The following WDR72 variants were observed in gnomAD, a reference collection of about 807,000 sequenced individuals.
The protein encoded by WDR72 is WD repeat domain 72.
A neutral mutation model predicts 124.2 loss-of-function variants in WDR72; 120 were observed. The observed-to-expected ratio is 0.97, with a 90% CI of 0.83 to 1.12. The LOEUF (loss-of-function observed/expected upper bound fraction) is 1.12. Among genes scored for constraint, WDR72 ranks in the 50% most tolerant of loss-of-function variants. The probability of loss-of-function intolerance (pLI) is 0.00; values close to 1 mark genes in which losing one functional copy is unlikely to be tolerated. For synonymous variants in WDR72, 452 were observed against 441.7 expected (o/e 1.02, Z -0.29); for missense variants, 1,387 against 1,278.8 (o/e 1.08, Z -1.29).
chr15:53,649,877 C>G (rs985398918), intron 14 of WDR72, among the ~76,000 whole-genome samples: 35 of 152,224 alleles, frequency 2.3e-4, no homozygotes, highest in African/African-American at 7.9e-4. Context: ...CTATGAAAAA[C>G]AGCATGGAGG....
intron 10 of WDR72, 150 bp downstream of exon 10, chr15:53,705,777 A>T: frequency 1.1e-6 from 1 of 923,598 alleles, no homozygotes; most frequent in Non-Finnish European, 1.7e-6. Flanking sequence ...CTTTGTGTTT[A>T]TACCTGCTTT....
chr15:53,678,280 G>A (rs2016249647), intron 13 of WDR72, among the ~76,000 whole-genome samples: 1 of 151,970 alleles, frequency 6.6e-6, no homozygotes, highest in Non-Finnish European at 1.5e-5. Context: ...TTTACTGAAG[G>A]CTTACGAAAT....
At chr15:53,579,443 A>T (rs1446239452) in intron 18 of WDR72, among the ~76,000 whole-genome samples, 1 of 152,112 alleles carries the variant, frequency 6.6e-6, no homozygotes, top group Non-Finnish European at 1.5e-5. Flanking sequence ...CAGGAATGCA[A>T]ACTGCTTTCC....
chr15:53,606,284 G>A (rs527893177), intron 17 of WDR72, among the ~76,000 whole-genome samples: 1 of 152,120 alleles, frequency 6.6e-6, no homozygotes, highest in South Asian at 2.1e-4. Flanking sequence ...GAATTTTTTG[G>A]CCACTGGGGA....
In WDR72 at chr15:53,713,177, T is replaced by C. The variant is rs531702429; in HGVS notation, c.592-286A>G. 4.6e-5 allele frequency among the ~76,000 whole-genome samples: 6 copies of C among 130,206 alleles called. No homozygotes were observed. In the East Asian group the frequency reaches 1.3e-3, roughly 28 times the overall value. The allele number at this position is 130,206 out of a possible 152,430, so 85.4% of individuals were successfully genotyped here. On this transcript the variant is annotated intron_variant, in intron 6 of 19. Coordinates refer to ENST00000360509, the MANE Select transcript of WDR72 (RefSeq NM_182758.4). ...TTAAAAAAAAAAAAATTAAAAAATA[T>C]AGGATGTATTTCTTGAAAAAAAAAA...
intron 13 of WDR72, among the ~76,000 whole-genome samples, chr15:53,672,998 G>A (rs1595837635): frequency 6.6e-6 from 1 of 152,096 alleles, no homozygotes; most frequent in South Asian, 2.1e-4. Context: ...GTGTACGCCT[G>A]TAGTCCCTGC....
chr15:53,607,067 T>C (rs1270970186), intron 17 of WDR72, among the ~76,000 whole-genome samples: 2 of 152,222 alleles, frequency 1.3e-5, no homozygotes, highest in South Asian at 2.1e-4. Context: ...ATGTATCAAG[T>C]TCATAAAAAA....
At chr15:53,699,697 T>C in intron 13 of WDR72, 53 bp downstream of exon 13, 1 of 1,586,946 alleles carries the variant, frequency 6.3e-7, no homozygotes, top group Non-Finnish European at 8.6e-7. Context: ...TCTGGTCAAA[T>C]GCTTGTACAT....
chr15:53,709,309 T>C (rs1485070991), intron 9 of WDR72, among the ~76,000 whole-genome samples: 1 of 152,240 alleles, frequency 6.6e-6, no homozygotes, highest in African/African-American at 2.4e-5. Context: ...CATATTTCAC[T>C]GGCTTCTAGG....
At chr15:53,553,927 C>T (rs1893831874) in intron 18 of WDR72, among the ~76,000 whole-genome samples, 1 of 152,038 alleles carries the variant, frequency 6.6e-6, no homozygotes, top group African/African-American at 2.4e-5. Context: ...CAATTTTAAT[C>T]CTTAAAATTT....
At chr15:53,549,740 T>G (rs1432962878) in intron 18 of WDR72, among the ~76,000 whole-genome samples, 1 of 152,130 alleles carries the variant, frequency 6.6e-6, no homozygotes, top group African/African-American at 2.4e-5. Flanking sequence ...TATAGTTAAA[T>G]TAACATAAAA....
rs374578496 is a variant in WDR72 at position 53,758,250 on chromosome 15, C to T, written c.-13+1383G>A. Among the ~76,000 whole-genome samples, 5 of 152,274 alleles carry T rather than the reference C, an allele frequency of 3.3e-5. No individual in the cohort carries two copies. The South Asian group carries it at 6.2e-4, about 19-fold the overall frequency. The stretch of plus-strand genomic sequence containing the variant: ...TCCTGAGCTCAAGCGATCCACCTAC[C>T]TTGGCCTCCCAAAGTGTTTGAATTA... On this transcript the variant is annotated intron_variant, in intron 1 of 19. Coordinates refer to ENST00000360509, the MANE Select transcript of WDR72 (RefSeq NM_182758.4).
At chr15:53,575,383 C>T (rs1226171665) in intron 18 of WDR72, among the ~76,000 whole-genome samples, 1 of 152,096 alleles carries the variant, frequency 6.6e-6, no homozygotes, top group Non-Finnish European at 1.5e-5. Context: ...GCTACATGCT[C>T]TGTCACTGAA....
At chr15:53,754,281 T>C (rs1444546193) in intron 1 of WDR72, among the ~76,000 whole-genome samples, 4 of 152,150 alleles carry the variant, frequency 2.6e-5, no homozygotes, top group Non-Finnish European at 5.9e-5. Flanking sequence ...GTAACACTAG[T>C]GTCATGGAAA....
intron 14 of WDR72, among the ~76,000 whole-genome samples, chr15:53,660,096 C>A (rs1317647867): frequency 6.6e-6 from 1 of 151,616 alleles, no homozygotes; most frequent in Non-Finnish European, 1.5e-5. Context: ...TAGTTCTATG[C>A]TGCTTATTTT....
chr15:53,701,165 T>C (rs1458237827), intron 12 of WDR72, among the ~76,000 whole-genome samples: 2 of 152,204 alleles, frequency 1.3e-5, no homozygotes, highest in Non-Finnish European at 1.5e-5. Flanking sequence ...GATTTCATTT[T>C]GCCCATAACA....
chr15:53,704,099 C>T (rs990071592), intron 11 of WDR72, among the ~76,000 whole-genome samples: 2 of 152,134 alleles, frequency 1.3e-5, no homozygotes, highest in Non-Finnish European at 2.9e-5. Flanking sequence ...TAGTAAGTGG[C>T]CAAAGATATA....
At chr15:53,715,461 A>G in intron 4 of WDR72, 94 bp from the exon 5 acceptor site, 5 of 1,452,256 alleles carry the variant, frequency 3.4e-6, no homozygotes, top group Non-Finnish European at 4.8e-6. Flanking sequence ...TAGTTTTAGC[A>G]TATGATCAAT....
Position 53,715,232 on chromosome 15 carries a change from T to C in WDR72, c.475A>G (p.Ile159Val). ...SFRSSQFPDW[I>V]NCMCIVHSMR... ...GAGTGAACAATGCACATGCAGTTGATCCAGTCAGGAAACTGAGATGATCTA... is the reference window on the plus strand; with the variant it reads ...GAGTGAACAATGCACATGCAGTTGACCCAGTCAGGAAACTGAGATGATCTA... Residue 159 changes from isoleucine to valine, a missense_variant, in exon 5 of 20, where the codon ATC becomes GTC. By Grantham distance (29) the Ile-to-Val change is conservative (BLOSUM62 3). Coordinates refer to ENST00000360509, the MANE Select transcript of WDR72 (RefSeq NM_182758.4). The C allele has an allele frequency of 6.2e-7, 1 of 1,614,120 alleles. No individual in the cohort carries two copies. Among genetic ancestry groups the C allele is most frequent in the Non-Finnish European group, 8.5e-7 (1 of 1,180,006 alleles).
Sources: gnomAD v4.1 joint callset for allele counts (sites outside exome capture counted in the v4.1 genomes callset) on GRCh38, gnomAD v4.1.1 for gene constraint, MANE v1.5 for transcripts, NCBI Gene and HGNC (gene_info 2026-07-23, HGNC 2026-07-21) for gene names.